PTH2R: variants seen among roughly 807,000 people sequenced by gnomAD.
PTH2R encodes the protein PTH2 receptor.
A neutral mutation model predicts 60.3 loss-of-function variants in PTH2R; 59 were observed. The observed-to-expected ratio is 0.98, with a 90% CI of 0.79 to 1.22. The LOEUF (loss-of-function observed/expected upper bound fraction) is 1.22. Ranked by LOEUF, PTH2R falls within the 50% of genes most tolerant of loss-of-function variation. The probability of loss-of-function intolerance (pLI) is 0.00; values close to 1 mark genes in which losing one functional copy is unlikely to be tolerated. For synonymous variants in PTH2R, 256 were observed against 243.8 expected (o/e 1.05, Z -0.47); for missense variants, 749 against 682.6 (o/e 1.10, Z -1.08).
intron 1 of PTH2R, chr2:208,360,359 C>T: frequency 3.2e-6 from 1 of 308,062 alleles, no homozygotes; most frequent in Admixed American, 4.1e-5. Flanking sequence ...CCCCTCGGGG[C>T]CCCTTCCCTG....
chr2:208,387,811 C>T lies in PTH2R; in HGVS notation c.-259+27574C>T, dbSNP rs565375113. Among the ~76,000 whole-genome samples, 19 of 152,260 alleles carry T rather than the reference C, an allele frequency of 1.2e-4. No homozygotes were observed. The South Asian group carries it at 3.9e-3, about 32-fold the overall frequency. The stretch of plus-strand genomic sequence containing the variant: ...CACTGATCACATCATTACAACAACC[C>T]CTTTTTATACAAAGATCAGGAAACG... On this transcript the variant is annotated intron_variant, in intron 1 of 12. Transcript: ENST00000617735.
At chr2:208,480,705 G>A (rs1703127048) in intron 9 of PTH2R, among the ~76,000 whole-genome samples, 1 of 152,158 alleles carries the variant, frequency 6.6e-6, no homozygotes, top group Admixed American at 6.5e-5. Context: ...CTCTAAAGTA[G>A]AGAAGTAGCT....
intron 1 of PTH2R, among the ~76,000 whole-genome samples, chr2:208,397,327 G>C (rs1371723400): frequency 1.3e-5 from 2 of 151,410 alleles, no homozygotes; most frequent in Non-Finnish European, 2.9e-5. Context: ...GAGGCCAAGA[G>C]CACCTTGGAA....
rs1010106299 is a variant in PTH2R, at chr2:208,493,178, A to G, written c.1258-86A>G. The G allele has an allele frequency of 1.1e-5, 15 of 1,340,550 alleles. No individual in the cohort carries two copies. The Middle Eastern group carries it at 9.9e-4, about 88-fold the overall frequency. 83.0% of individuals were successfully genotyped at this position (1,340,550 alleles called of 1,614,324 possible). A position where few individuals can be genotyped will look rare whatever the true frequency, so the allele number is the denominator to read the frequency against. ...ACCTCAATCAATGATTATTGCTGTC[A>G]TTGAAATCAAGGCAAACATCTTTGT... On this transcript the variant is annotated intron_variant, in intron 12 of 12. Transcript: ENST00000272847.
chr2:208,399,655 G>A (rs1353018121), intron 1 of PTH2R, among the ~76,000 whole-genome samples: 1 of 152,100 alleles, frequency 6.6e-6, no homozygotes, highest in Non-Finnish European at 1.5e-5. Context: ...AAGACCCCTG[G>A]AAGCTTGTTC....
rs532593691 is a variant in PTH2R at position 208,453,718 on chromosome 2, A to G, written c.914+2909A>G. On this transcript the variant is annotated intron_variant, in intron 8 of 12. Coordinates refer to ENST00000272847, the MANE Select transcript of PTH2R (RefSeq NM_005048.4). ...AGGAGGTGTGGTTTTTCTTCCATTCATGACTTGCAGCAGTCATTCTCAGCC... is the reference window on the plus strand; with the variant it reads ...AGGAGGTGTGGTTTTTCTTCCATTCGTGACTTGCAGCAGTCATTCTCAGCC... Among the ~76,000 whole-genome samples the G allele has an allele frequency of 4.9e-4, 75 of 152,268 alleles. No homozygotes were observed. The South Asian group carries it at 0.012, about 24-fold the overall frequency.
At chr2:208,449,673 C>A (rs1702363663) in intron 7 of PTH2R, among the ~76,000 whole-genome samples, 1 of 152,024 alleles carries the variant, frequency 6.6e-6, no homozygotes, top group South Asian at 2.1e-4. Flanking sequence ...CTAAGGAGAC[C>A]AAAGACATTA....
At chr2:208,492,818 G>A (rs1359520237) in intron 12 of PTH2R, among the ~76,000 whole-genome samples, 1 of 152,150 alleles carries the variant, frequency 6.6e-6, no homozygotes, top group Non-Finnish European at 1.5e-5. Flanking sequence ...TCCTAGGGAT[G>A]CCACCTTGTG....
At position 208,416,912 on chromosome 2, in the gene PTH2R, T is replaced by C. The variant is rs545685113; in HGVS notation, c.75+9794T>C. On this transcript the variant is annotated intron_variant, in intron 1 of 12. Coordinates refer to ENST00000272847, the MANE Select transcript of PTH2R (RefSeq NM_005048.4). ...CTCTCCTTGCTCTTCAGCCTGCAGA[T>C]GGCTATTGTGGAACCTTGTGATTGG... Among the ~76,000 whole-genome samples the C allele has an allele frequency of 6.6e-5, 10 of 152,312 alleles. No individual in the cohort carries two copies. In the East Asian group the frequency reaches 1.9e-3, roughly 29 times the overall value.
chr2:208,424,749 C>A (rs1246467612), intron 1 of PTH2R, among the ~76,000 whole-genome samples: 3 of 152,288 alleles, frequency 2.0e-5, no homozygotes, highest in South Asian at 4.1e-4. Context: ...CAGGCTAAAT[C>A]TTCCTGGGGT....
At chr2:208,407,674 T>TA (rs1300420258) in intron 1 of PTH2R, among the ~76,000 whole-genome samples, 7 of 152,332 alleles carry the variant, frequency 4.6e-5, no homozygotes, top group African/African-American at 1.4e-4. Flanking sequence ...TTTGTACTGC[T>TA]AATATCATTT....
At chr2:208,394,594 C>A (rs560765781) in intron 1 of PTH2R, among the ~76,000 whole-genome samples, 20 of 152,250 alleles carry the variant, frequency 1.3e-4, no homozygotes, top group African/African-American at 4.3e-4. Flanking sequence ...TAGTCCTCTG[C>A]CTTTTATTTC....
chr2:208,441,395 G>T (rs553825443), intron 4 of PTH2R, among the ~76,000 whole-genome samples: 106 of 152,272 alleles, frequency 7.0e-4, no homozygotes, highest in African/African-American at 2.4e-3. Flanking sequence ...CGTAAATTCA[G>T]CTGTCTAGCA....
intron 1 of PTH2R, among the ~76,000 whole-genome samples, chr2:208,412,695 G>A (rs546129425): frequency 6.6e-6 from 1 of 152,236 alleles, no homozygotes; most frequent in Admixed American, 6.5e-5. Flanking sequence ...GCAAAATTAT[G>A]GGTCTCATTT....
intron 1 of PTH2R, among the ~76,000 whole-genome samples, chr2:208,377,904 G>A (rs1700835503): frequency 6.6e-6 from 1 of 151,574 alleles, no homozygotes; most frequent in South Asian, 2.1e-4. Context: ...CAGCCAGGCA[G>A]AGGGGCTCCT....
intron 1 of PTH2R, among the ~76,000 whole-genome samples, chr2:208,423,878 A>G (rs981466318): frequency 1.3e-5 from 2 of 151,992 alleles, no homozygotes; most frequent in Non-Finnish European, 2.9e-5. Context: ...TGTTTGCTCT[A>G]CTTGGTCTGG....
intron 9 of PTH2R, among the ~76,000 whole-genome samples, chr2:208,474,267 T>C (rs1002007950): frequency 9.7e-5 from 2 of 20,650 alleles, no homozygotes; most frequent in Non-Finnish European, 2.1e-4. Flanking sequence ...AATAGTAGCC[T>C]ATAATACGGC....
chr2:208,422,706 C>A (rs1288529877), intron 1 of PTH2R, among the ~76,000 whole-genome samples: 1 of 151,976 alleles, frequency 6.6e-6, no homozygotes, highest in Non-Finnish European at 1.5e-5. Flanking sequence ...AATTCACATG[C>A]AGTTGGAAGA....
chr2:208,406,021 C>A (rs1313764385), upstream of PTH2R, among the ~76,000 whole-genome samples: 4 of 152,122 alleles, frequency 2.6e-5, no homozygotes, highest in East Asian at 7.7e-4. Context: ...GTTATAGCAT[C>A]CAGAGCTGAT....
Sources: gnomAD v4.1 joint callset for allele counts (sites outside exome capture counted in the v4.1 genomes callset) on GRCh38, gnomAD v4.1.1 for gene constraint, MANE v1.5 for transcripts, NCBI Gene and HGNC (gene_info 2026-07-23, HGNC 2026-07-21) for gene names.